Variants in LRBA observed in about 807,000 individuals in gnomAD.
LRBA encodes LPS responsive beige-like anchor protein, also known as lipopolysaccharide-responsive and beige-like anchor protein.
A neutral mutation model predicts 330.0 loss-of-function variants in LRBA; 176 were observed. The ratio of observed to expected loss-of-function variants is 0.53; its 90% CI spans 0.47 to 0.60. The LOEUF is 0.60. LRBA is among the 20% of genes least tolerant of loss of function. The pLI is 0.00. For synonymous variants in LRBA, 1,230 were observed against 1,193.0 expected, an observed-to-expected ratio of 1.03 and a Z score of -0.64; for missense variants, 3,259 against 3,444.8, an observed-to-expected ratio of 0.95 and a Z score of 1.35.
chr4:150,662,230 A>G (rs940472164), intron 37 of LRBA, among the ~76,000 whole-genome samples: 1 of 152,226 alleles, frequency 6.6e-6, no homozygotes, highest in Non-Finnish European at 1.5e-5. Context: ...TATAATATGA[A>G]AGATTATAAA....
At chr4:150,844,834 T>C in intron 26 of LRBA, 55 bp from the exon 27 acceptor site, 7 of 1,460,144 alleles carry the variant, frequency 4.8e-6, no homozygotes, top group Non-Finnish European at 6.7e-6. Context: ...TTTAAGATTA[T>C]GGAAGTGAAA....
At chr4:150,696,941 G>A (rs1784668540) in intron 36 of LRBA, among the ~76,000 whole-genome samples, 1 of 151,142 alleles carries the variant, frequency 6.6e-6, no homozygotes, top group African/African-American at 2.4e-5. Flanking sequence ...TTGAGCCCAG[G>A]AAGTTGAGGC....
chr4:150,582,986 C>T, intron 40 of LRBA: 5 of 1,535,502 alleles, frequency 3.3e-6, no homozygotes, highest in South Asian at 1.3e-5. Context: ...GATCCCTCAA[C>T]GTATTGCGAG....
intron 55 of LRBA, among the ~76,000 whole-genome samples, chr4:150,279,460 T>C (rs538426690): frequency 1.9e-4 from 29 of 152,308 alleles, no homozygotes; most frequent in Admixed American, 1.5e-3. Flanking sequence ...GGAATACAGA[T>C]TGTGCTGGCA....
chr4:150,508,563 T>C (rs4696462), intron 40 of LRBA, among the ~76,000 whole-genome samples: 96,227 of 151,882 alleles, frequency 0.63, 32,589 homozygotes, highest in Non-Finnish European at 0.75. Context: ...TGTGGGATTA[T>C]AGGCAGGAGC....
intron 2 of LRBA, among the ~76,000 whole-genome samples, chr4:150,958,268 T>C (rs1431691314): frequency 2.7e-5 from 4 of 149,172 alleles, no homozygotes; most frequent in African/African-American, 1.0e-4. Context: ...TTGACTTCTG[T>C]GCACCCAAAG....
chr4:150,375,463 T>G (rs1043259356), intron 47 of LRBA, among the ~76,000 whole-genome samples: 2 of 151,684 alleles, frequency 1.3e-5, no homozygotes, highest in Non-Finnish European at 2.9e-5. Flanking sequence ...TCTACTTACT[T>G]TTTTTTTGTT....
intron 34 of LRBA, among the ~76,000 whole-genome samples, chr4:150,788,761 CAAA>C (rs34603148): frequency 2.8e-4 from 35 of 123,940 alleles, no homozygotes; most frequent in Admixed American, 3.2e-4. Context: ...ACTTCGTCTC[CAAA>C]AAAAAAAAAA....
At chr4:150,400,230 T>C (rs2151925849) in intron 47 of LRBA, among the ~76,000 whole-genome samples, 1 of 152,320 alleles carries the variant, frequency 6.6e-6, no homozygotes, top group South Asian at 2.1e-4. Context: ...TTTTAAGCAG[T>C]ATTTGTGAGA....
At chr4:150,690,322 T>A (rs1784007880) in intron 36 of LRBA, among the ~76,000 whole-genome samples, 1 of 151,494 alleles carries the variant, frequency 6.6e-6, no homozygotes, top group African/African-American at 2.4e-5. Flanking sequence ...GAAAACAAGG[T>A]GAAACCCCAT....
At chr4:150,481,659 C>A (rs1757314211) in intron 42 of LRBA, among the ~76,000 whole-genome samples, 1 of 151,988 alleles carries the variant, frequency 6.6e-6, no homozygotes, top group African/African-American at 2.4e-5. Flanking sequence ...AAAACCATGG[C>A]CTATGGCTAT....
chr4:150,825,130 C>T (rs1472713610), intron 30 of LRBA, among the ~76,000 whole-genome samples: 1 of 151,626 alleles, frequency 6.6e-6, no homozygotes, highest in Non-Finnish European at 1.5e-5. Flanking sequence ...TATATCAAAA[C>T]TTACAAACAC....
At chr4:150,792,008 G>A (rs1368696912) in intron 34 of LRBA, among the ~76,000 whole-genome samples, 82 of 106,846 alleles carry the variant, frequency 7.7e-4, no homozygotes, top group African/African-American at 2.5e-3. Flanking sequence ...CAGCCTGGGC[G>A]ACAGAGCAAG....
chr4:150,689,275 CG>C (rs888075785), intron 36 of LRBA, among the ~76,000 whole-genome samples: 38 of 151,984 alleles, frequency 2.5e-4, no homozygotes, highest in Admixed American at 2.5e-3. Flanking sequence ...CATATGGGCA[CG>C]GAGAGGGGAA....
At chr4:150,366,046 T>TA (rs1193906662) in intron 47 of LRBA, among the ~76,000 whole-genome samples, 2 of 152,194 alleles carry the variant, frequency 1.3e-5, no homozygotes, top group African/African-American at 4.8e-5. Context: ...TTTTTTATTT[T>TA]AAAAAATGTA....
chr4:150,466,580 C>T (rs1755477684), intron 44 of LRBA, among the ~76,000 whole-genome samples: 1 of 151,972 alleles, frequency 6.6e-6, no homozygotes, highest in African/African-American at 2.4e-5. Context: ...GTAAGAGTGA[C>T]ATACAGGAAT....
chr4:150,542,450 A>C (rs1327898140), intron 40 of LRBA, among the ~76,000 whole-genome samples: 2 of 152,226 alleles, frequency 1.3e-5, no homozygotes, highest in East Asian at 3.8e-4. Context: ...TTCATTTGTG[A>C]TACATGTATT....
chr4:150,356,742 T>G (rs2151832858), intron 47 of LRBA, among the ~76,000 whole-genome samples: 1 of 152,082 alleles, frequency 6.6e-6, no homozygotes, highest in South Asian at 2.1e-4. Context: ...AATGGAAATA[T>G]TTAATAAACT....
chr4:150,561,797 T>A (rs943001214), intron 40 of LRBA, among the ~76,000 whole-genome samples: 9 of 152,134 alleles, frequency 5.9e-5, no homozygotes, highest in Non-Finnish European at 1.0e-4. Context: ...TCTTTTCTCT[T>A]ACAAAAAGTG....
Sources: gnomAD v4.1 joint callset for allele counts (sites outside exome capture counted in the v4.1 genomes callset) on GRCh38, gnomAD v4.1.1 for gene constraint, MANE v1.5 for transcripts, NCBI Gene and HGNC (gene_info 2026-07-23, HGNC 2026-07-21) for gene names.